DSE: variants seen among roughly 807,000 people sequenced by gnomAD.
The protein encoded by DSE is dermatan sulfate epimerase, also known as dermatan-sulfate epimerase.
In DSE, 36 loss-of-function variants were observed where a neutral mutation model predicts 84.4. The observed-to-expected ratio is 0.43, with a 90% CI of 0.33 to 0.56. DSE has a LOEUF of 0.56. Among genes scored for constraint, DSE ranks in the 20% least tolerant of loss-of-function variants. The pLI, the probability that DSE is intolerant of heterozygous loss-of-function variation, is 0.06. For synonymous variants in DSE, 410 were observed against 430.1 expected (o/e 0.95, Z 0.58); for missense variants, 862 against 1,169.6 (o/e 0.74, Z 3.84).
intron 2 of DSE, among the ~76,000 whole-genome samples, chr6:116,337,438 C>T (rs928276070): frequency 6.6e-6 from 1 of 152,030 alleles, no homozygotes; most frequent in Non-Finnish European, 1.5e-5. Flanking sequence ...GGTGAAACAC[C>T]GTCTCTACTA....
intron 2 of DSE, among the ~76,000 whole-genome samples, chr6:116,328,879 C>T (rs1776784807): frequency 6.8e-6 from 1 of 148,124 alleles, no homozygotes; most frequent in Non-Finnish European, 1.5e-5. Flanking sequence ...TAGTTCACCC[C>T]TAGTACAGGC....
chr6:116,315,824 A>G (rs761911663), intron 2 of DSE, among the ~76,000 whole-genome samples: 1 of 152,272 alleles, frequency 6.6e-6, no homozygotes, highest in Non-Finnish European at 1.5e-5. Flanking sequence ...ACATGGTGAA[A>G]CCCCATCTAT....
At position 116,442,310 on chromosome 6, in the gene DSE, G is replaced by T. The variant is rs1219917113; in HGVS notation, c.*4965G>T. On this transcript the variant is annotated 3_prime_UTR_variant, in exon 6 of 6. Transcript: ENST00000644252. ...ACTTGGATTATGAGTTGGGGAGTCA[G>T]TTGCAATGAACTGAGATGTGGCTGA... The T allele has an allele frequency of 6.6e-6, 1 of 152,330 alleles. No homozygotes were observed. The highest frequency in any genetic ancestry group is 1.5e-5 in the Non-Finnish European group (1 of 68,146). 9.4% of individuals were successfully genotyped at this position (152,330 alleles called of 1,614,324 possible). A position where few individuals can be genotyped will look rare whatever the true frequency, so the allele number is the denominator to read the frequency against.
intron 2 of DSE, among the ~76,000 whole-genome samples, chr6:116,357,058 A>T (rs373773370): frequency 6.6e-6 from 1 of 152,128 alleles, no homozygotes; most frequent in African/African-American, 2.4e-5. Flanking sequence ...CAAAAAACAA[A>T]TTCTACTTAT....
chr6:116,426,061 T>A (rs1016455872), intron 2 of DSE, among the ~76,000 whole-genome samples: 1 of 152,158 alleles, frequency 6.6e-6, no homozygotes, highest in Non-Finnish European at 1.5e-5. Context: ...ACCAAGTGGG[T>A]CTGTGCAGAT....
At chr6:116,289,619 C>T (rs1030758251) in intron 2 of DSE, among the ~76,000 whole-genome samples, 1 of 151,816 alleles carries the variant, frequency 6.6e-6, no homozygotes, top group Admixed American at 6.6e-5. Context: ...AACAACTAGA[C>T]CTTCATGATA....
At chr6:116,316,829 T>TAC (rs1776011538) in intron 2 of DSE, among the ~76,000 whole-genome samples, 1 of 110,078 alleles carries the variant, frequency 9.1e-6, no homozygotes, top group South Asian at 2.9e-4. Flanking sequence ...ACTACTACTA[T>TAC]TATTATTATT....
intron 1 of DSE, among the ~76,000 whole-genome samples, chr6:116,392,276 C>A (rs1780958148): frequency 6.6e-6 from 1 of 152,158 alleles, no homozygotes; most frequent in African/African-American, 2.4e-5. Flanking sequence ...GAGGAGGGAA[C>A]TTGGACTTAA....
At chr6:116,390,886 A>G (rs980156284) in intron 1 of DSE, among the ~76,000 whole-genome samples, 4 of 152,146 alleles carry the variant, frequency 2.6e-5, no homozygotes, top group African/African-American at 7.2e-5. Flanking sequence ...TTTTCTACAT[A>G]TGAAATGATA....
chr6:116,391,479 G>T (rs138332276), intron 1 of DSE, among the ~76,000 whole-genome samples: 36 of 152,080 alleles, frequency 2.4e-4, no homozygotes, highest in Admixed American at 2.2e-3. Context: ...AAGAGCTCTC[G>T]GTTTTGGCCA....
chr6:116,338,643 G>A (rs963238534), intron 2 of DSE, among the ~76,000 whole-genome samples: 3 of 152,114 alleles, frequency 2.0e-5, no homozygotes, highest in African/African-American at 7.2e-5. Context: ...AGAGTGGCAG[G>A]CTCAGCTAAG....
chr6:116,263,366 C>CTT lies in DSE; in HGVS notation c.-54+4410_-54+4411dup, dbSNP rs200486501. On this transcript the variant is annotated intron_variant, in intron 2 of 3. Coordinates refer to the DSE transcript ENST00000430252. ...GCCATTATGTAATGCCCTTCTTTGT[C>CTT]TTTTTTTTTTTTATCTTTGTTGGTT... Among the ~76,000 whole-genome samples the CTT allele has an allele frequency of 1.4e-3, 203 of 147,770 alleles. 1 individual carries two copies. The highest frequency in any genetic ancestry group is 4.7e-3 in the East Asian group (24 of 5,102).
intron 2 of DSE, among the ~76,000 whole-genome samples, chr6:116,303,350 C>T (rs1775151994): frequency 6.6e-6 from 1 of 152,142 alleles, no homozygotes; most frequent in Non-Finnish European, 1.5e-5. Context: ...CTGCAATCCC[C>T]ATTTGCAGCA....
chr6:116,391,871 A>G (rs1780932720), intron 1 of DSE, among the ~76,000 whole-genome samples: 1 of 152,040 alleles, frequency 6.6e-6, no homozygotes, highest in Non-Finnish European at 1.5e-5. Context: ...ACGATTCTGC[A>G]GTACCAAAGC....
intron 2 of DSE, among the ~76,000 whole-genome samples, chr6:116,409,147 A>C (rs1782132254): frequency 6.6e-6 from 1 of 152,240 alleles, no homozygotes; most frequent in African/African-American, 2.4e-5. Context: ...ATAATGTGTT[A>C]ACTATTATTG....
intron 1 of DSE, among the ~76,000 whole-genome samples, chr6:116,382,915 G>A (rs1780332387): frequency 2.6e-5 from 4 of 152,182 alleles, no homozygotes; most frequent in African/African-American, 9.6e-5. Context: ...GTTTAAAAGA[G>A]TATATGGACA....
At chr6:116,341,060 C>G (rs2114819378) in intron 2 of DSE, among the ~76,000 whole-genome samples, 1 of 152,310 alleles carries the variant, frequency 6.6e-6, no homozygotes, top group South Asian at 2.1e-4. Flanking sequence ...TGAGGAATCA[C>G]CACACTGTCT....
intron 2 of DSE, among the ~76,000 whole-genome samples, chr6:116,298,829 C>T (rs370833128): frequency 3.9e-5 from 6 of 152,066 alleles, no homozygotes; most frequent in Admixed American, 3.9e-4. Flanking sequence ...ATAGGTGGGA[C>T]ATGGAAAACG....
chr6:116,346,975 AACAG>A lies in DSE; in HGVS notation c.-53-52219_-53-52216del, dbSNP rs1778016958. 7.9e-5 allele frequency among the ~76,000 whole-genome samples: 12 copies of A among 152,338 alleles called. No individual in the cohort carries two copies. The South Asian group carries it at 2.5e-3, about 32-fold the overall frequency. ...ATCACAAGCATTCCTATACACCAAT[AACAG>A]ACAAACAGAGAGCAAAATCATGAGT... On this transcript the variant is annotated intron_variant, in intron 2 of 3. Transcript: ENST00000430252.
Sources: gnomAD v4.1 joint callset for allele counts (sites outside exome capture counted in the v4.1 genomes callset) on GRCh38, gnomAD v4.1.1 for gene constraint, MANE v1.5 for transcripts, NCBI Gene and HGNC (gene_info 2026-07-23, HGNC 2026-07-21) for gene names.